Variants in ZNF423 observed in about 807,000 individuals in gnomAD.
ZNF423 encodes the protein Ebf-associated zinc finger protein.
Under a neutral mutation model 95.8 loss-of-function variants are expected in ZNF423, and 12 were observed. The observed-to-expected ratio is 0.13, with a 90% confidence interval of 0.08 to 0.20. The LOEUF is 0.20. Ranked by LOEUF, ZNF423 falls within the 10% of genes least tolerant of loss-of-function variation. The pLI is 1.00. For missense variants in ZNF423, 1,316 were observed against 1,737.1 expected (o/e 0.76, Z 4.31); for synonymous variants, 749 against 711.9 (o/e 1.05, Z -0.83).
chr16:49,738,923 G>T (rs1163247437), intron 2 of ZNF423, among the ~76,000 whole-genome samples: 1 of 152,064 alleles, frequency 6.6e-6, no homozygotes, highest in Non-Finnish European at 1.5e-5. Flanking sequence ...GGACACTGGG[G>T]TAGAGGAGTG....
intron 3 of ZNF423, among the ~76,000 whole-genome samples, chr16:49,647,871 G>A (rs957721412): frequency 6.6e-6 from 1 of 152,190 alleles, no homozygotes; most frequent in African/African-American, 2.4e-5. Flanking sequence ...ACAGATTTTG[G>A]TACCAGGAGT....
intron 1 of ZNF423, 124 bp from the exon 2 acceptor site, chr16:49,789,670 A>C (rs1196360661): frequency 1.2e-6 from 1 of 857,408 alleles, no homozygotes; most frequent in Non-Finnish European, 1.7e-6. Context: ...TCACCAGGGG[A>C]GAGGGGGCAA....
At chr16:49,576,007 T>C (rs1970486381) in intron 5 of ZNF423, among the ~76,000 whole-genome samples, 1 of 152,118 alleles carries the variant, frequency 6.6e-6, no homozygotes, top group African/African-American at 2.4e-5. Context: ...TCACCCCAGA[T>C]AGTGCTCCTG....
chr16:49,631,991 A>G (rs1972520401), intron 4 of ZNF423, among the ~76,000 whole-genome samples: 1 of 152,106 alleles, frequency 6.6e-6, no homozygotes, highest in African/African-American at 2.4e-5. Flanking sequence ...GGTCTAGGTG[A>G]CAGAAAGCTA....
chr16:49,725,774 G>A (rs564424548), intron 3 of ZNF423, among the ~76,000 whole-genome samples: 3 of 152,308 alleles, frequency 2.0e-5, no homozygotes, highest in Admixed American at 6.5e-5. Context: ...CAGTGTGGAG[G>A]AGGCAACACC....
intron 1 of ZNF423, among the ~76,000 whole-genome samples, chr16:49,846,406 A>G (rs2035246796): frequency 6.6e-6 from 1 of 152,198 alleles, no homozygotes; most frequent in South Asian, 2.1e-4. Flanking sequence ...GTTGCCAGAA[A>G]CACACCCAAA....
intron 5 of ZNF423, among the ~76,000 whole-genome samples, chr16:49,574,004 C>T (rs1376113498): frequency 2.6e-5 from 4 of 152,200 alleles, no homozygotes; most frequent in South Asian, 2.1e-4. Flanking sequence ...AATCACTGCA[C>T]GGCTGAGCCC....
intron 5 of ZNF423, among the ~76,000 whole-genome samples, chr16:49,601,346 G>A (rs919691498): frequency 6.6e-6 from 1 of 152,284 alleles, no homozygotes; most frequent in Admixed American, 6.5e-5. Flanking sequence ...AGAGAATAGG[G>A]GTATCCCTTT....
At chr16:49,513,839 G>C (rs1187590617) in intron 7 of ZNF423, among the ~76,000 whole-genome samples, 1 of 152,100 alleles carries the variant, frequency 6.6e-6, no homozygotes, top group Non-Finnish European at 1.5e-5. Flanking sequence ...GCTTCTCAGG[G>C]GAGGAGGCAC....
intron 1 of ZNF423, among the ~76,000 whole-genome samples, chr16:49,815,918 T>A (rs1228874254): frequency 0.012 from 631 of 50,860 alleles, 4 homozygotes; most frequent in African/African-American, 0.017. Context: ...ATATATATTT[T>A]TTTTTTTTTT....
chr16:49,545,838 A>G (rs1969419043), intron 5 of ZNF423, among the ~76,000 whole-genome samples: 1 of 152,206 alleles, frequency 6.6e-6, no homozygotes. Context: ...GCATTCAGCT[A>G]AACACTTTAC....
chr16:49,721,749 G>A (rs1308334299), intron 3 of ZNF423, among the ~76,000 whole-genome samples: 1 of 152,120 alleles, frequency 6.6e-6, no homozygotes, highest in Non-Finnish European at 1.5e-5. Context: ...AGGCTGGGTA[G>A]GAAAGAAGCA....
At chr16:49,642,804 T>TC (rs558387277) in intron 3 of ZNF423, among the ~76,000 whole-genome samples, 41,108 of 137,808 alleles carry the variant, frequency 0.3, 6,812 homozygotes, top group African/African-American at 0.51. Context: ...CTCTTTTCTT[T>TC]TTTTTTTTTT....
chr16:49,659,909 G>C (rs769818411), intron 3 of ZNF423, among the ~76,000 whole-genome samples: 3 of 152,220 alleles, frequency 2.0e-5, no homozygotes, highest in Non-Finnish European at 4.4e-5. Context: ...GCACACAGTA[G>C]GCCCTCAATA....
At position 49,848,622 on chromosome 16, in the gene ZNF423, C is replaced by G. The variant is rs1288955786; in HGVS notation, c.40+7113G>C. 3.3e-5 allele frequency among the ~76,000 whole-genome samples: 5 copies of G among 152,184 alleles called. No individual in the cohort carries two copies. The South Asian group carries it at 8.3e-4, about 25-fold the overall frequency. On this transcript the variant is annotated intron_variant, in intron 1 of 7. Transcript: ENST00000563137. ...TTAAATTAGCACATCCACAGAGCCC[C>G]ATTTTATATCCCAATTCAGAAGATG...
intron 5 of ZNF423, among the ~76,000 whole-genome samples, chr16:49,597,708 T>A (rs765229044): frequency 1.8e-4 from 28 of 152,166 alleles, no homozygotes; most frequent in Non-Finnish European, 2.9e-4. Context: ...CCCAACATTA[T>A]GATTCTAGAG....
chr16:49,789,441 C>T, intron 2 of ZNF423, 46 bp downstream of exon 2: 1 of 1,569,046 alleles, frequency 6.4e-7, no homozygotes, highest in South Asian at 1.2e-5. Context: ...CCTGGGCCAG[C>T]CCCCAGGACC....
chr16:49,501,209 C>T (rs1255086202), intron 7 of ZNF423, among the ~76,000 whole-genome samples: 1 of 152,122 alleles, frequency 6.6e-6, no homozygotes, highest in African/African-American at 2.4e-5. Flanking sequence ...TGGACAAGTG[C>T]AGCACAGGCC....
At chr16:49,632,603 G>C (rs1972543121) in intron 4 of ZNF423, among the ~76,000 whole-genome samples, 1 of 152,104 alleles carries the variant, frequency 6.6e-6, no homozygotes, top group Admixed American at 6.5e-5. Flanking sequence ...CGGTCCCCTT[G>C]AGTTTCAGTC....
Sources: gnomAD v4.1 joint callset for allele counts (sites outside exome capture counted in the v4.1 genomes callset) on GRCh38, gnomAD v4.1.1 for gene constraint, MANE v1.5 for transcripts, NCBI Gene and HGNC (gene_info 2026-07-23, HGNC 2026-07-21) for gene names.